Variants in PCDHGA8 observed in about 807,000 individuals in gnomAD.
The protein encoded by PCDHGA8 is protocadherin gamma subfamily A, 8.
A neutral mutation model predicts 59.2 loss-of-function variants in PCDHGA8; 45 were observed. The ratio of observed to expected loss-of-function variants is 0.76; its 90% CI spans 0.60 to 0.98. The LOEUF is 0.98. Ranked by LOEUF, PCDHGA8 falls within the 50% of genes least tolerant of loss-of-function variation. The pLI is 0.00. For missense variants in PCDHGA8, 1,257 were observed against 1,196.2 expected, an observed-to-expected ratio of 1.05 and a Z score of -0.75; for synonymous variants, 531 against 519.0, an observed-to-expected ratio of 1.02 and a Z score of -0.32.
chr5:141,412,396 A>G (rs2095553141), intron 1 of PCDHGA8: 1 of 152,216 alleles, frequency 6.6e-6, no homozygotes, highest in Non-Finnish European at 1.5e-5. Flanking sequence ...TTTAACTTGT[A>G]TCCCTGTAAG....
rs2099606006 is a variant in PCDHGA8, at chr5:141,485,058, G to A, written c.2425-9749G>A. Reference sequence around the variant, plus strand: ...TAACCCTTGCGGCGCCGGCCGAACCGCGCCAGAGCTGGCGCGGGGAAAGGG... The same window carrying A: ...TAACCCTTGCGGCGCCGGCCGAACCACGCCAGAGCTGGCGCGGGGAAAGGG... On this transcript the variant is annotated intron_variant, in intron 1 of 3. Coordinates refer to ENST00000398604, the MANE Select transcript of PCDHGA8 (RefSeq NM_032088.2). The surrounding 1 kb of genome is among the most constrained non-coding windows in gnomAD (Gnocchi z 5.7). 1 of 848,828 alleles carries A rather than the reference G, an allele frequency of 1.2e-6. No individual in the cohort carries two copies. The highest frequency in any genetic ancestry group is 1.9e-6 in the Non-Finnish European group (1 of 529,084). The allele number at this position is 848,828 out of a possible 1,614,324, so 52.6% of individuals were successfully genotyped here.
chr5:141,413,824 A>C, intron 1 of PCDHGA8: 1 of 1,613,112 alleles, frequency 6.2e-7, no homozygotes, highest in South Asian at 1.1e-5. Flanking sequence ...CCTGGTCCTC[A>C]CCGCCTCCGA....
chr5:141,431,974 CA>C lies in PCDHGA8; in HGVS notation c.2424+36738del, dbSNP rs1419355804. The C allele has an allele frequency of 1.2e-6, 2 of 1,614,174 alleles. No individual in the cohort carries two copies. The highest frequency in any genetic ancestry group is 1.3e-5 in the African/African-American group (1 of 75,058). On this transcript the variant is annotated intron_variant, in intron 1 of 3. Transcript: ENST00000398604. This position sits in a 1 kb window ranked among gnomAD's most constrained non-coding sequence, Gnocchi z 4.8. ...CTTACGGAAATTACTATAGTTTAGT[CA>C]CAGACATAGTCTTGGATAGGGAACA... is the stretch of plus-strand genomic sequence containing the variant.
At chr5:141,413,132 A>G in intron 1 of PCDHGA8, 1 of 1,542,144 alleles carries the variant, frequency 6.5e-7, no homozygotes, top group Non-Finnish European at 8.7e-7. Context: ...GAAACACACA[A>G]CGTGTCCAGT....
intron 1 of PCDHGA8, chr5:141,405,160 C>T (rs2094616263): frequency 6.2e-7 from 1 of 1,614,028 alleles, no homozygotes; most frequent in Non-Finnish European, 8.5e-7. Flanking sequence ...CTGGTGTGCC[C>T]ACCTCACACT....
chr5:141,481,021 GC>G (rs2099529893), intron 1 of PCDHGA8, among the ~76,000 whole-genome samples: 1 of 152,076 alleles, frequency 6.6e-6, no homozygotes, highest in Non-Finnish European at 1.5e-5. Context: ...TCACACCACT[GC>G]ACTCCAGCCT....
chr5:141,508,979 G>C (rs1317798009), intron 3 of PCDHGA8, among the ~76,000 whole-genome samples: 1 of 152,110 alleles, frequency 6.6e-6, no homozygotes, highest in Admixed American at 6.5e-5. Context: ...GCTGGGGGTG[G>C]GGGCCAGCTG....
At position 141,405,272 on chromosome 5, in the gene PCDHGA8, A is replaced by G. The variant is rs551265067; in HGVS notation, c.2424+10035A>G. The G allele has an allele frequency of 9.3e-6, 15 of 1,614,170 alleles. No individual in the cohort carries two copies. In the South Asian group the frequency reaches 1.6e-4, roughly 18 times the overall value. On this transcript the variant is annotated intron_variant, in intron 1 of 3. Transcript: ENST00000398604. ...GAGTCACCTGATCTTCCCCCAGCCC[A>G]ACTATGCAGACACACTCATCAGCCA...
At chr5:141,410,216 C>T in intron 1 of PCDHGA8, 1 of 1,614,002 alleles carries the variant, frequency 6.2e-7, no homozygotes, top group Non-Finnish European at 8.5e-7. Flanking sequence ...GCAAGAGATA[C>T]TGCCAGACCT....
chr5:141,410,897 A>G (rs1276742953), intron 1 of PCDHGA8: 1 of 273,412 alleles, frequency 3.7e-6, no homozygotes, highest in African/African-American at 3.4e-5. Flanking sequence ...ACTGTTGCCT[A>G]GGCTGGAGTG....
rs374663576 is a variant in PCDHGA8 at position 141,489,905 on chromosome 5, G to A, written c.2425-4902G>A. The A allele has an allele frequency of 2.8e-4, 459 of 1,614,108 alleles. No homozygotes were observed. Among genetic ancestry groups the A allele is most frequent in the Non-Finnish European group, 3.4e-4 (405 of 1,180,054 alleles). On this transcript the variant is annotated intron_variant, in intron 1 of 3. Coordinates refer to ENST00000398604, the MANE Select transcript of PCDHGA8 (RefSeq NM_032088.2). The surrounding 1 kb of genome is among the most constrained non-coding windows in gnomAD (Gnocchi z 4.5). ...GCTGTGGATGGGGGGACCCCAGCCC[G>A]CTCAGGGACCACCCTTATCTCTGTC...
rs1238779909 is a variant in PCDHGA8, at chr5:141,394,395, C to A, written c.1582C>A (p.Leu528Met). Reference protein sequence around the residue: ...QSFDYEQIRDLQLLVTASDSG... With the variant: ...QSFDYEQIRDMQLLVTASDSG... Reference sequence around the variant, plus strand: ...TTTCGACTATGAGCAGATCCGAGACCTGCAGCTACTGGTAACAGCCAGCGA... The same window carrying A: ...TTTCGACTATGAGCAGATCCGAGACATGCAGCTACTGGTAACAGCCAGCGA... Residue 528 changes from leucine to methionine, a missense_variant, in exon 1 of 4, where the codon CTG becomes ATG. By Grantham distance (15) the Leu-to-Met change is conservative (BLOSUM62 2). Transcript: ENST00000398604. 3 of 1,614,146 alleles carry A rather than the reference C, an allele frequency of 1.9e-6. No homozygotes were observed. Among genetic ancestry groups the A allele is most frequent in the African/African-American group, 1.3e-5 (1 of 74,956 alleles).
intron 1 of PCDHGA8, chr5:141,423,723 T>C: frequency 8.5e-7 from 1 of 1,174,478 alleles, no homozygotes; most frequent in Non-Finnish European, 1.1e-6. Context: ...TAAGGAGATG[T>C]TTTTTGAGCC....
chr5:141,459,028 C>T (rs373532898), intron 1 of PCDHGA8, among the ~76,000 whole-genome samples: 1 of 152,202 alleles, frequency 6.6e-6, no homozygotes, highest in Non-Finnish European at 1.5e-5. Context: ...CCACCACATC[C>T]AGCCTTACCA....
At position 141,394,717 on chromosome 5, in the gene PCDHGA8, G is replaced by A. The variant is rs1403492553; in HGVS notation, c.1904G>A (p.Arg635Lys). ...CGCACGGCGCGAGCCCTGCTGGACA[G>A]AGATGCGCTCAAGCAGAGCCTCGTG... ...EVRTARALLD[R>K]DALKQSLVVA... The change falls in exon 1 of 4, where the codon AGA becomes AAA. Residue 635 changes from arginine to lysine, a missense_variant. Coordinates refer to ENST00000398604, the MANE Select transcript of PCDHGA8 (RefSeq NM_032088.2). 6.2e-7 allele frequency: 1 copy of A among 1,613,320 alleles called. No individual in the cohort carries two copies. The highest frequency in any genetic ancestry group is 2.2e-5 in the East Asian group (1 of 44,890).
At chr5:141,503,396 A>G (rs1025780031) in intron 2 of PCDHGA8, among the ~76,000 whole-genome samples, 2 of 151,944 alleles carry the variant, frequency 1.3e-5, no homozygotes, top group African/African-American at 2.4e-5. Flanking sequence ...GGAGTTCGAA[A>G]CCAACCTGGC....
intron 3 of PCDHGA8, among the ~76,000 whole-genome samples, chr5:141,506,032 G>A (rs994735467): frequency 5.9e-5 from 9 of 152,166 alleles, no homozygotes; most frequent in Non-Finnish European, 1.0e-4. Context: ...TCCAGAGTAG[G>A]ATTCTGGTTT....
chr5:141,423,058 A>T (rs1235938743), intron 1 of PCDHGA8: 1 of 1,614,022 alleles, frequency 6.2e-7, no homozygotes, highest in Non-Finnish European at 8.5e-7. Context: ...TCGCCTGCTT[A>T]AGGCCAGCGA....
Position 141,490,252 on chromosome 5 carries a change from G to A in PCDHGA8, c.2425-4555G>A, listed in dbSNP as rs150107963. The A allele has an allele frequency of 1.9e-6, 3 of 1,614,252 alleles. No homozygotes were observed. Among genetic ancestry groups the A allele is most frequent in the Non-Finnish European group, 1.7e-6 (2 of 1,180,046 alleles). The stretch of plus-strand genomic sequence containing the variant: ...CATGGAGGGCCACTGTGTGATTCAA[G>A]TGGATGTGGGGGATGTCAATGACAA... On this transcript the variant is annotated intron_variant, in intron 1 of 3. Coordinates refer to ENST00000398604, the MANE Select transcript of PCDHGA8 (RefSeq NM_032088.2). This position sits in a 1 kb window ranked among gnomAD's most constrained non-coding sequence, Gnocchi z 5.4.
Sources: allele counts gnomAD v4.1 joint callset (sites outside exome capture counted in the v4.1 genomes callset), GRCh38; gene constraint gnomAD v4.1.1; non-coding constraint Gnocchi (gnomAD v3.1); transcripts MANE v1.5; gene names NCBI Gene and HGNC (gene_info 2026-07-23, HGNC 2026-07-21).